The following MACO1 variants were observed in gnomAD, a reference collection of about 807,000 sequenced individuals.
MACO1 encodes the protein macoilin 1.
In MACO1, 14 loss-of-function variants were observed where a neutral mutation model predicts 78.7. The ratio of observed to expected loss-of-function variants is 0.18; its 90% confidence interval spans 0.12 to 0.28. The LOEUF (loss-of-function observed/expected upper bound fraction) is 0.28, where lower values mean the gene tolerates loss of function less well. MACO1 is among the 10% of genes least tolerant of loss of function. The pLI is 1.00. For missense variants in MACO1, 501 were observed against 799.0 expected, an observed-to-expected ratio of 0.63 and a Z score of 4.50; for synonymous variants, 288 against 291.6, an observed-to-expected ratio of 0.99 and a Z score of 0.12.
chr1:25,479,415 A>C (rs917327995), intron 6 of MACO1, among the ~76,000 whole-genome samples: 1 of 151,986 alleles, frequency 6.6e-6, no homozygotes, highest in Non-Finnish European at 1.5e-5. Flanking sequence ...TTGCTAACAC[A>C]TACTTCTTTT....
At position 25,480,930 on chromosome 1, in the gene MACO1, ATATATATATATATATATATATATATAT is replaced by A. The variant is rs1170884277; in HGVS notation, c.1155-3185_1155-3159del. On this transcript the variant is annotated intron_variant, in intron 6 of 10. Transcript: ENST00000374343. ...GACTTGGTTAAAAAAAAAAAAAAAA[ATATATATATATATATATATATATATAT>A]ATATATATATATATATATTTCATGT... Among the ~76,000 whole-genome samples, 13 of 75,294 alleles carry A rather than the reference ATATATATATATATATATATATATATAT, an allele frequency of 1.7e-4. 2 individuals are homozygous for A. The South Asian group carries it at 3.0e-3, about 18-fold the overall frequency. 49.4% of individuals were successfully genotyped at this position (75,294 alleles called of 152,430 possible).
chr1:25,458,996 G>C, intron 6 of MACO1, 104 bp downstream of exon 6: 1 of 1,383,282 alleles, frequency 7.2e-7, no homozygotes. Flanking sequence ...ATCAGATATT[G>C]TGACTAGTGA....
chr1:25,482,605 A>G (rs976786939), intron 6 of MACO1, among the ~76,000 whole-genome samples: 9 of 152,260 alleles, frequency 5.9e-5, no homozygotes, highest in South Asian at 2.1e-4. Context: ...GCCCAAGTCA[A>G]TCTCTACCTG....
chr1:25,474,672 A>G (rs1346483373), intron 6 of MACO1, among the ~76,000 whole-genome samples: 2 of 152,178 alleles, frequency 1.3e-5, no homozygotes, highest in Non-Finnish European at 2.9e-5. Context: ...TCCTCAAACT[A>G]TACTGTGCAG....
At position 25,437,906 on chromosome 1, in the gene MACO1, G is replaced by A. The variant is rs139295330; in HGVS notation, c.80+6728G>A. ...ACTACACTCCAGCCTGGGCAATAGA[G>A]CAAGACCCTGTGTCAAAAAAAGAGA... On this transcript the variant is annotated intron_variant, in intron 1 of 10. Coordinates refer to ENST00000374343, the MANE Select transcript of MACO1 (RefSeq NM_018202.6). 2.9e-3 allele frequency among the ~76,000 whole-genome samples: 436 copies of A among 152,158 alleles called. 4 individuals carry two copies. Among genetic ancestry groups the A allele is most frequent in the African/African-American group, 0.01 (423 of 41,530 alleles).
intron 6 of MACO1, among the ~76,000 whole-genome samples, chr1:25,472,828 C>T (rs1050401601): frequency 6.6e-6 from 1 of 152,158 alleles, no homozygotes; most frequent in African/African-American, 2.4e-5. Context: ...GGCCTTTCTA[C>T]TTCTGTGAGG....
chr1:25,479,366 A>G (rs2043350118), intron 6 of MACO1, among the ~76,000 whole-genome samples: 2 of 152,220 alleles, frequency 1.3e-5, no homozygotes, highest in South Asian at 4.1e-4. Flanking sequence ...TCTGTTTAAT[A>G]AATGCTTCTA....
At chr1:25,441,373 CG>C (rs1174978403) in intron 1 of MACO1, among the ~76,000 whole-genome samples, 3 of 152,038 alleles carry the variant, frequency 2.0e-5, no homozygotes, top group Non-Finnish European at 2.9e-5. Context: ...TTAGTAGAGA[CG>C]GGGTTTCACC....
chr1:25,470,587 A>G (rs899505663), intron 6 of MACO1, among the ~76,000 whole-genome samples: 2 of 152,208 alleles, frequency 1.3e-5, no homozygotes, highest in African/African-American at 4.8e-5. Flanking sequence ...GGGGAACCAC[A>G]GTAGTTAAGT....
intron 6 of MACO1, among the ~76,000 whole-genome samples, chr1:25,477,467 G>T (rs1442252108): frequency 1.3e-5 from 2 of 152,214 alleles, no homozygotes; most frequent in Non-Finnish European, 2.9e-5. Flanking sequence ...CTGTATTGCA[G>T]AGCCTAGAGC....
chr1:25,491,016 G>T (rs1369214662), intron 9 of MACO1, among the ~76,000 whole-genome samples: 1 of 152,162 alleles, frequency 6.6e-6, no homozygotes, highest in African/African-American at 2.4e-5. Context: ...AGTATGCCCT[G>T]TCAAAATAAT....
Position 25,485,853 on chromosome 1 carries a change from A to G in MACO1, c.1496+58A>G, listed in dbSNP as rs966567163. The G allele has an allele frequency of 4.3e-5, 66 of 1,552,864 alleles. No homozygotes were observed. The highest frequency in any genetic ancestry group is 5.7e-5 in the Non-Finnish European group (65 of 1,149,088). On this transcript the variant is annotated intron_variant, in intron 8 of 10. Transcript: ENST00000374343. The surrounding 1 kb of genome is among the most constrained non-coding windows in gnomAD (Gnocchi z 4.3). ...GGTTGGCTTTCCTTTACCAACAAAG[A>G]CATGGGAATTTGGTGCCTTGGGCAG...
At position 25,498,718 on chromosome 1, in the gene MACO1, C is replaced by G; in HGVS notation, c.*252C>G. 1 of 383,542 alleles carries G rather than the reference C, an allele frequency of 2.6e-6. No individual in the cohort carries two copies. The highest frequency in any genetic ancestry group is 1.0e-4 in the South Asian group (1 of 9,610). The allele number at this position is 383,542 out of a possible 1,614,324, so 23.8% of individuals were successfully genotyped here. On this transcript the variant is annotated 3_prime_UTR_variant, in exon 11 of 11. Transcript: ENST00000374343. ...TCTCGGCCAACACATTAAAACCATT[C>G]TTGGATTTCAAGTAGCCAACTTTGC...
In MACO1 at chr1:25,489,247, T is replaced by G; in HGVS notation, c.1571T>G (p.Met524Arg). 6.2e-7 allele frequency: 1 copy of G among 1,614,046 alleles called. No homozygotes were observed. The highest frequency in any genetic ancestry group is 8.5e-7 in the Non-Finnish European group (1 of 1,179,990). ...GAGGGCAAGAAGCTCACGATGGACATGAAGGTGAAAGAAGACCAAATCAGA... is the reference window on the plus strand; with the variant it reads ...GAGGGCAAGAAGCTCACGATGGACAGGAAGGTGAAAGAAGACCAAATCAGA... ...EAEGKKLTMD[M>R]KVKEDQIREL... Residue 524 changes from methionine to arginine, a missense_variant, in exon 9 of 11, where the codon ATG (methionine) becomes AGG (arginine). Physicochemically the swap from Met to Arg is moderately conservative, Grantham distance 91. Coordinates refer to ENST00000374343, the MANE Select transcript of MACO1 (RefSeq NM_018202.6).
chr1:25,470,983 G>A (rs1030724086), intron 6 of MACO1, among the ~76,000 whole-genome samples: 6 of 151,840 alleles, frequency 4.0e-5, no homozygotes, highest in African/African-American at 1.5e-4. Flanking sequence ...AGCCAGGGTC[G>A]CACCTCTGCA....
chr1:25,485,997 C>A lies in MACO1; in HGVS notation c.1496+202C>A, dbSNP rs1024711930. Among the ~76,000 whole-genome samples, 1 of 152,176 alleles carries A rather than the reference C, an allele frequency of 6.6e-6. No individual in the cohort carries two copies. The highest frequency in any genetic ancestry group is 1.5e-5 in the Non-Finnish European group (1 of 68,038). On this transcript the variant is annotated intron_variant, in intron 8 of 10. Coordinates refer to ENST00000374343, the MANE Select transcript of MACO1 (RefSeq NM_018202.6). This position sits in a 1 kb window ranked among gnomAD's most constrained non-coding sequence, Gnocchi z 4.3. ...TTATAACAGCTTTATCCCTCAGTGA[C>A]CTCATCTATAAAGTGGGATGAGGGA...
chr1:25,464,338 CTTTTTTTTTTTTTTT>C (rs71014363), intron 6 of MACO1, among the ~76,000 whole-genome samples: 5 of 80,976 alleles, frequency 6.2e-5, no homozygotes, highest in African/African-American at 9.9e-5. Flanking sequence ...TTTTTCTTCT[CTTTTTTTTTTTTTTT>C]TTTTTTTTTG....
chr1:25,474,519 T>C (rs1162510781), intron 6 of MACO1, among the ~76,000 whole-genome samples: 1 of 152,180 alleles, frequency 6.6e-6, no homozygotes, highest in Non-Finnish European at 1.5e-5. Context: ...TCCTAGAAAA[T>C]AGGCCATGTT....
intron 6 of MACO1, among the ~76,000 whole-genome samples, chr1:25,468,887 C>T (rs529641785): frequency 2.0e-5 from 3 of 152,296 alleles, no homozygotes; most frequent in East Asian, 1.9e-4. Flanking sequence ...CTCACTCTGT[C>T]GCCCAGGCTG....
Sources: gnomAD v4.1 joint callset for allele counts (sites outside exome capture counted in the v4.1 genomes callset) on GRCh38, gnomAD v4.1.1 for gene constraint, Gnocchi (gnomAD v3.1) non-coding constraint, MANE v1.5 for transcripts, NCBI Gene and HGNC (gene_info 2026-07-23, HGNC 2026-07-21) for gene names.